Variants in PRKG1 observed in about 807,000 individuals in gnomAD.
PRKG1 encodes protein kinase cGMP-dependent 1, also known as cGMP-dependent protein kinase 1.
PRKG1 carries 35 observed loss-of-function variants against 88.1 expected under a neutral mutation model. That is an observed-to-expected ratio of 0.40 (90% CI 0.30 to 0.53). PRKG1 has a LOEUF of 0.53. PRKG1 is among the 20% of genes least tolerant of loss of function. The pLI is 0.59. For missense variants in PRKG1, 540 were observed against 839.8 expected (o/e 0.64, Z 4.41); for synonymous variants, 303 against 292.5 (o/e 1.04, Z -0.37).
At chr10:52,225,820 C>T (rs899176178) in intron 9 of PRKG1, among the ~76,000 whole-genome samples, 52 of 152,142 alleles carry the variant, frequency 3.4e-4, no homozygotes, top group African/African-American at 1.3e-3. Context: ...TATTTCTGGG[C>T]TCTCCATTCT....
At chr10:51,118,886 T>C (rs1389013639) in intron 1 of PRKG1, among the ~76,000 whole-genome samples, 3 of 152,158 alleles carry the variant, frequency 2.0e-5, no homozygotes, top group Non-Finnish European at 4.4e-5. Flanking sequence ...CAACAGCATA[T>C]TGGTTCTGAA....
intron 4 of PRKG1, among the ~76,000 whole-genome samples, chr10:51,863,612 T>A (rs1840941725): frequency 6.6e-6 from 1 of 152,160 alleles, no homozygotes; most frequent in Non-Finnish European, 1.5e-5. Context: ...GTTTAGTTCA[T>A]GAGAATGTGA....
At chr10:52,162,439 A>G (rs1385346081) in intron 9 of PRKG1, among the ~76,000 whole-genome samples, 1 of 152,192 alleles carries the variant, frequency 6.6e-6, no homozygotes, top group East Asian at 1.9e-4. Context: ...GCATAAAAAT[A>G]CAATTCCGTC....
chr10:51,422,188 A>T (rs947928519), intron 2 of PRKG1, among the ~76,000 whole-genome samples: 3 of 152,180 alleles, frequency 2.0e-5, no homozygotes, highest in Non-Finnish European at 2.9e-5. Context: ...TGCCCAAACA[A>T]CCTGAGTTGT....
intron 2 of PRKG1, among the ~76,000 whole-genome samples, chr10:51,247,523 A>C (rs56268218): frequency 0.02 from 2,985 of 152,108 alleles, 39 homozygotes; most frequent in Non-Finnish European, 0.031. Context: ...AATATCCAGC[A>C]AAATTTACAC....
At chr10:51,064,788 T>C (rs1331640971) in intron 1 of PRKG1, among the ~76,000 whole-genome samples, 2 of 152,084 alleles carry the variant, frequency 1.3e-5, no homozygotes, top group Admixed American at 1.3e-4. Flanking sequence ...TTTATAATTA[T>C]TGCTAATTCC....
At chr10:51,363,554 C>T (rs1198806441) in intron 2 of PRKG1, among the ~76,000 whole-genome samples, 1 of 151,864 alleles carries the variant, frequency 6.6e-6, no homozygotes. Context: ...CAGGAAGCCT[C>T]CCAGGGGACT....
At chr10:52,156,751 G>A (rs1838116526) in intron 8 of PRKG1, among the ~76,000 whole-genome samples, 1 of 151,820 alleles carries the variant, frequency 6.6e-6, no homozygotes, top group African/African-American at 2.4e-5. Context: ...CTGCATAAGT[G>A]TGTCAAAACA....
At chr10:51,519,842 T>G (rs1311472216) in intron 3 of PRKG1, among the ~76,000 whole-genome samples, 1 of 152,208 alleles carries the variant, frequency 6.6e-6, no homozygotes, top group Non-Finnish European at 1.5e-5. Context: ...AGCAGAAACC[T>G]GACCCAGATG....
chr10:51,530,334 A>T (rs10997931), intron 3 of PRKG1, among the ~76,000 whole-genome samples: 67 of 151,986 alleles, frequency 4.4e-4, no homozygotes, highest in East Asian at 2.1e-3. Flanking sequence ...TATTAAAGGA[A>T]GAAATATCAC....
intron 9 of PRKG1, among the ~76,000 whole-genome samples, chr10:52,244,693 A>G (rs1429381141): frequency 7.6e-6 from 1 of 131,156 alleles, no homozygotes; most frequent in Non-Finnish European, 1.6e-5. Flanking sequence ...ATTAAATAAT[A>G]TATTAATAAT....
chr10:51,923,356 T>C (rs1842502184), intron 5 of PRKG1, among the ~76,000 whole-genome samples: 1 of 151,824 alleles, frequency 6.6e-6, no homozygotes, highest in South Asian at 2.1e-4. Context: ...CTCTGTATTT[T>C]AATTGGTGTA....
intron 3 of PRKG1, among the ~76,000 whole-genome samples, chr10:51,593,363 T>C (rs976308393): frequency 6.6e-6 from 1 of 152,146 alleles, no homozygotes; most frequent in Non-Finnish European, 1.5e-5. Flanking sequence ...ACTAACTGAT[T>C]GTTGGTTATT....
At chr10:51,065,941 C>T (rs1843744593) in intron 1 of PRKG1, among the ~76,000 whole-genome samples, 1 of 151,858 alleles carries the variant, frequency 6.6e-6, no homozygotes, top group Admixed American at 6.6e-5. Context: ...GGGGATGATT[C>T]TGAAGGATTA....
At chr10:51,140,364 G>A (rs1035368976) in intron 1 of PRKG1, among the ~76,000 whole-genome samples, 4 of 152,104 alleles carry the variant, frequency 2.6e-5, no homozygotes, top group Admixed American at 2.6e-4. Context: ...CTAGCACAAT[G>A]TCATATATGA....
intron 7 of PRKG1, among the ~76,000 whole-genome samples, chr10:52,071,099 ATTATT>A (rs1324888476): frequency 3.3e-5 from 5 of 152,080 alleles, no homozygotes; most frequent in African/African-American, 1.2e-4. Flanking sequence ...TATTATTGCC[ATTATT>A]TTATTATTTT....
chr10:51,103,159 GA>G (rs1844728926), intron 1 of PRKG1, among the ~76,000 whole-genome samples: 5 of 151,584 alleles, frequency 3.3e-5, no homozygotes, highest in Admixed American at 2.6e-4. Context: ...TAGAAAATGA[GA>G]GTGTTCATCC....
At chr10:51,912,694 G>C (rs1449770846) in intron 5 of PRKG1, among the ~76,000 whole-genome samples, 1 of 151,982 alleles carries the variant, frequency 6.6e-6, no homozygotes, top group Non-Finnish European at 1.5e-5. Context: ...CAACACCTGG[G>C]GAATCTTGTT....
At chr10:52,066,591 G>A (rs1198721081) in intron 7 of PRKG1, among the ~76,000 whole-genome samples, 2 of 152,128 alleles carry the variant, frequency 1.3e-5, no homozygotes, top group African/African-American at 4.8e-5. Flanking sequence ...TGACCATGGG[G>A]GGCAGGCTAG....
Sources: gnomAD v4.1 joint callset for allele counts (sites outside exome capture counted in the v4.1 genomes callset) on GRCh38, gnomAD v4.1.1 for gene constraint, MANE v1.5 for transcripts, NCBI Gene and HGNC (gene_info 2026-07-23, HGNC 2026-07-21) for gene names.